Variants in ROBO2 observed in about 807,000 individuals in gnomAD.
The protein encoded by ROBO2 is roundabout guidance receptor 2.
ROBO2 carries 53 observed loss-of-function variants against 160.8 expected under a neutral mutation model. The ratio of observed to expected loss-of-function variants is 0.33; its 90% CI spans 0.26 to 0.41. ROBO2 has a LOEUF of 0.41. Among genes scored for constraint, ROBO2 ranks in the 10% least tolerant of loss-of-function variants. The pLI is 1.00. For missense variants in ROBO2, 1,577 were observed against 1,722.4 expected, an observed-to-expected ratio of 0.92 and a Z score of 1.49; for synonymous variants, 664 against 611.7, an observed-to-expected ratio of 1.09 and a Z score of -1.26.
At chr3:76,040,078 T>A (rs2067233830) in intron 2 of ROBO2, among the ~76,000 whole-genome samples, 1 of 152,158 alleles carries the variant, frequency 6.6e-6, no homozygotes, top group South Asian at 2.1e-4. Context: ...TTTTAACATT[T>A]GCTATTCAAT....
At chr3:77,622,346 A>G (rs773294232) in exon 23 of ROBO2, 1 of 1,614,110 alleles carries the variant, frequency 6.2e-7, no homozygotes, top group Non-Finnish European at 8.5e-7. Context: ...GACGACGAAG[A>G]GGAAGCTTTA....
intron 2 of ROBO2, among the ~76,000 whole-genome samples, chr3:76,489,585 G>A (rs540687833): frequency 1.3e-5 from 2 of 152,232 alleles, no homozygotes; most frequent in South Asian, 2.1e-4. Flanking sequence ...CAAATGCATA[G>A]TCTCATGAAT....
chr3:77,167,039 G>T (rs745519966), intron 2 of ROBO2, among the ~76,000 whole-genome samples: 3 of 152,150 alleles, frequency 2.0e-5, no homozygotes, highest in Non-Finnish European at 4.4e-5. Flanking sequence ...ATGGTGATAA[G>T]TTCATTATAC....
intron 2 of ROBO2, among the ~76,000 whole-genome samples, chr3:76,127,459 A>G (rs1382686870): frequency 6.6e-6 from 1 of 152,078 alleles, no homozygotes; most frequent in African/African-American, 2.4e-5. Flanking sequence ...TATCTAACTT[A>G]TATAATTTTC....
intron 2 of ROBO2, among the ~76,000 whole-genome samples, chr3:76,256,364 A>C (rs1706386164): frequency 6.7e-6 from 1 of 148,500 alleles, no homozygotes; most frequent in African/African-American, 2.5e-5. Flanking sequence ...ACATACACAC[A>C]CACACACACA....
Position 77,288,269 on chromosome 3 carries a change from TA to T in ROBO2, c.389-189144del, listed in dbSNP as rs540030209. 1.5e-4 allele frequency among the ~76,000 whole-genome samples: 23 copies of T among 152,162 alleles called. No individual in the cohort carries two copies. In the South Asian group the frequency reaches 4.8e-3, roughly 32 times the overall value. On this transcript the variant is annotated intron_variant, in intron 2 of 25. Coordinates refer to ENST00000461745, the Ensembl canonical transcript of ROBO2. ...GTTTGGAAAGGATGATGGTAGTGGG[TA>T]GGAGAGAATAGAGGTAGAGAGGTGT...
chr3:77,557,830 A>T, intron 8 of ROBO2, 114 bp from the exon 10 acceptor site: 1 of 797,054 alleles, frequency 1.3e-6, no homozygotes, highest in Non-Finnish European at 2.2e-6. Context: ...GCTTAGAATA[A>T]GTTATAAGTA....
chr3:76,923,842 G>A (rs1026313632), intron 2 of ROBO2, among the ~76,000 whole-genome samples: 1 of 152,212 alleles, frequency 6.6e-6, no homozygotes, highest in Non-Finnish European at 1.5e-5. Flanking sequence ...TCTAAAAGAT[G>A]AATGAAGAAA....
intron 2 of ROBO2, among the ~76,000 whole-genome samples, chr3:76,300,750 C>A (rs973337820): frequency 1.3e-5 from 2 of 151,942 alleles, no homozygotes; most frequent in Non-Finnish European, 2.9e-5. Flanking sequence ...CAAAGAAATT[C>A]CCTCTTCCTG....
chr3:76,194,871 GTC>G (rs1343795552), intron 2 of ROBO2, among the ~76,000 whole-genome samples: 1 of 152,140 alleles, frequency 6.6e-6, no homozygotes, highest in Non-Finnish European at 1.5e-5. Flanking sequence ...GCCCGCGTTG[GTC>G]TCTCAAAGTT....
At chr3:76,310,709 A>G (rs1399309342) in intron 2 of ROBO2, among the ~76,000 whole-genome samples, 4 of 152,144 alleles carry the variant, frequency 2.6e-5, no homozygotes, top group Non-Finnish European at 5.9e-5. Flanking sequence ...CTCTGTGCAT[A>G]CTATATTTTG....
At chr3:76,959,561 GT>G (rs1473851431) in intron 2 of ROBO2, among the ~76,000 whole-genome samples, 1 of 152,126 alleles carries the variant, frequency 6.6e-6, no homozygotes, top group Non-Finnish European at 1.5e-5. Flanking sequence ...CTCAAAGGTA[GT>G]TTTTTATTGC....
intron 15 of ROBO2, among the ~76,000 whole-genome samples, chr3:77,578,010 C>T (rs1236144064): frequency 2.0e-5 from 3 of 151,934 alleles, no homozygotes; most frequent in African/African-American, 2.4e-5. Flanking sequence ...AAAGATGCTT[C>T]GGGGGTTAAA....
At chr3:76,809,834 T>C (rs1382396300) in intron 2 of ROBO2, among the ~76,000 whole-genome samples, 2 of 151,994 alleles carry the variant, frequency 1.3e-5, no homozygotes, top group African/African-American at 4.8e-5. Context: ...GAGAAATTTC[T>C]CAATTAAGGA....
At chr3:77,431,083 A>G (rs1271738221) in intron 2 of ROBO2, among the ~76,000 whole-genome samples, 1 of 152,206 alleles carries the variant, frequency 6.6e-6, no homozygotes, top group Admixed American at 6.5e-5. Context: ...TCAGCGTTAG[A>G]ATCAATTAGA....
At chr3:77,352,523 T>A (rs1350667723) in intron 2 of ROBO2, among the ~76,000 whole-genome samples, 1 of 152,184 alleles carries the variant, frequency 6.6e-6, no homozygotes, top group African/African-American at 2.4e-5. Flanking sequence ...ATTGCAAGGC[T>A]ACGACATGCT....
chr3:76,558,681 T>G lies in ROBO2; in HGVS notation c.110-539333T>G, dbSNP rs535556575. ...TTTTTCCCAATTGCATTAGGGCTGA[T>G]GCAAACAAGTTTCTCACTAGTTTAG... On this transcript the variant is annotated intron_variant, in intron 2 of 26. Coordinates refer to the ROBO2 transcript ENST00000487694. Among the ~76,000 whole-genome samples, 45 of 152,278 alleles carry G rather than the reference T, an allele frequency of 3.0e-4. No individual in the cohort carries two copies. In the South Asian group the frequency reaches 7.9e-3, roughly 27 times the overall value.
intron 2 of ROBO2, among the ~76,000 whole-genome samples, chr3:76,813,338 C>T (rs1333456907): frequency 6.6e-6 from 1 of 152,058 alleles, no homozygotes; most frequent in Non-Finnish European, 1.5e-5. Flanking sequence ...AGACTTGGAA[C>T]ATTTTTATGA....
At chr3:75,917,971 T>C (rs1183353581) in intron 1 of ROBO2, among the ~76,000 whole-genome samples, 2 of 152,218 alleles carry the variant, frequency 1.3e-5, no homozygotes, top group African/African-American at 4.8e-5. Flanking sequence ...AATTTTCTCA[T>C]ATTTTGTAGT....
Sources: gnomAD v4.1 joint callset for allele counts (sites outside exome capture counted in the v4.1 genomes callset) on GRCh38, gnomAD v4.1.1 for gene constraint, MANE v1.5 for transcripts, NCBI Gene and HGNC (gene_info 2026-07-23, HGNC 2026-07-21) for gene names.